The following MN1 variants were observed in gnomAD, a reference collection of about 807,000 sequenced individuals.
MN1 encodes the protein transcriptional activator MN1.
MN1 carries 19 observed loss-of-function variants against 86.9 expected under a neutral mutation model. The ratio of observed to expected loss-of-function variants is 0.22; its 90% CI spans 0.15 to 0.32. The LOEUF (loss-of-function observed/expected upper bound fraction) is 0.32, where lower values mean the gene tolerates loss of function less well. MN1 is among the 10% of genes least tolerant of loss of function. The pLI is 1.00. For missense variants in MN1, 1,841 were observed against 1,862.0 expected, an observed-to-expected ratio of 0.99 and a Z score of 0.21; for synonymous variants, 928 against 849.6, an observed-to-expected ratio of 1.09 and a Z score of -1.60.
chr22:27,749,160 G>A lies in MN1; in HGVS notation c.*1755C>T, dbSNP rs5752632. Reference sequence around the variant, plus strand: ...GACTCAGACCCCAGCCAAAAGGACCGGCAGAAGGAAAGAGGGGAGAAGGGA... The same window carrying A: ...GACTCAGACCCCAGCCAAAAGGACCAGCAGAAGGAAAGAGGGGAGAAGGGA... On this transcript the variant is annotated 3_prime_UTR_variant, in exon 2 of 2. Transcript: ENST00000302326. The A allele has an allele frequency of 8.6e-3, 2,001 of 231,718 alleles. 39 individuals are homozygous for A. The highest frequency in any genetic ancestry group is 0.058 in the East Asian group (953 of 16,376). 14.4% of individuals were successfully genotyped at this position (231,718 alleles called of 1,614,324 possible). A position where few individuals can be genotyped will look rare whatever the true frequency, so the allele number is the denominator to read the frequency against.
intron 1 of MN1, among the ~76,000 whole-genome samples, chr22:27,791,013 G>A (rs902186971): frequency 6.6e-6 from 1 of 152,056 alleles, no homozygotes; most frequent in Non-Finnish European, 1.5e-5. Context: ...TTCCCCGCTC[G>A]CCTTCAGAAA....
rs563396290 is a variant in MN1, at chr22:27,799,671, C to T, written c.873G>A (p.Gln291=). The change falls in exon 1 of 2, where the codon CAG becomes CAA. Residue 291 remains glutamine (Q), a synonymous_variant. Coordinates refer to ENST00000302326, the MANE Select transcript of MN1 (RefSeq NM_002430.3). ...GMVGLSKMHA[Q]PPQQQPQQQQ... is the part of the protein sequence containing the mutation. The stretch of plus-strand genomic sequence containing the variant: ...GCTGCTGGGGCTGCTGCTGCGGTGG[C>T]TGGGCGTGCATTTTGGACAAGCCCA... The T allele has an allele frequency of 3.2e-6, 5 of 1,551,250 alleles. No homozygotes were observed. The African/African-American group carries it at 6.8e-5, about 21-fold the overall frequency.
intron 1 of MN1, among the ~76,000 whole-genome samples, chr22:27,788,680 TGTGTGTGTGTGCACGC>T (rs138500534): frequency 0.011 from 1,661 of 151,198 alleles, 35 homozygotes; most frequent in African/African-American, 0.038. Flanking sequence ...AGAAGTTATG[TGTGTGTGTGTGCACGC>T]GTGTGTGTGT....
intron 1 of MN1, among the ~76,000 whole-genome samples, chr22:27,765,979 C>A (rs1932866647): frequency 6.6e-6 from 1 of 152,178 alleles, no homozygotes; most frequent in Non-Finnish European, 1.5e-5. Flanking sequence ...ACCCTAGGGT[C>A]CCGGCAGATC....
At chr22:27,784,053 A>G (rs1933089045) in intron 1 of MN1, among the ~76,000 whole-genome samples, 2 of 152,238 alleles carry the variant, frequency 1.3e-5, no homozygotes, top group African/African-American at 4.8e-5. Flanking sequence ...GCCTTGGCAG[A>G]GAGCCGGCCC....
At chr22:27,785,706 T>C (rs1340481639) in intron 1 of MN1, among the ~76,000 whole-genome samples, 1 of 151,666 alleles carries the variant, frequency 6.6e-6, no homozygotes, top group Non-Finnish European at 1.5e-5. Flanking sequence ...ACCAGGAGTC[T>C]AGAAATGTCA....
In MN1 at chr22:27,799,646, GCTGCT is replaced by G; in HGVS notation, c.893_897del (p.Gln298ProfsTer16). On this transcript the variant is annotated frameshift_variant, in exon 1 of 2. Transcript: ENST00000302326. LOFTEE classifies it high-confidence loss of function. The stretch of plus-strand genomic sequence containing the variant: ...TGCTGCTGCTGCTGGGGCTGCTGCT[GCTGCT>G]GGGGCTGCTGCTGCGGTGGCTGGGC... 1.3e-6 allele frequency: 2 copies of G among 1,549,376 alleles called. No individual in the cohort carries two copies. Among genetic ancestry groups the G allele is most frequent in the African/African-American group, 2.7e-5 (2 of 73,074 alleles).
In MN1 at chr22:27,796,962, A is replaced by G; in HGVS notation, c.3582T>C (p.Asn1194=). The G allele has an allele frequency of 6.2e-7, 1 of 1,612,452 alleles. No individual in the cohort carries two copies. Among genetic ancestry groups the G allele is most frequent in the East Asian group, 2.2e-5 (1 of 44,848 alleles). The change falls in exon 1 of 2, where the codon AAT becomes AAC. Residue 1194 remains asparagine, a synonymous_variant. Coordinates refer to ENST00000302326, the MANE Select transcript of MN1 (RefSeq NM_002430.3). ...AGCAGCTGCCCAGCTCGCTGTCGCCATTCTGCGCCCCTGAGGCCCCGACGG... is the reference window on the plus strand; with the variant it reads ...AGCAGCTGCCCAGCTCGCTGTCGCCGTTCTGCGCCCCTGAGGCCCCGACGG... ...ECAVGASGAQ[N]GDSELGSCCS...
intron 1 of MN1, among the ~76,000 whole-genome samples, chr22:27,759,879 T>A (rs1425741396): frequency 6.6e-6 from 1 of 152,198 alleles, no homozygotes; most frequent in African/African-American, 2.4e-5. Context: ...TGGGTAGATA[T>A]ACAACCCTCC....
chr22:27,750,491 A>C lies in MN1; in HGVS notation c.*424T>G. The C allele has an allele frequency of 4.3e-6, 1 of 232,714 alleles. No homozygotes were observed. Among genetic ancestry groups the C allele is most frequent in the Non-Finnish European group, 8.5e-6 (1 of 117,790 alleles). 14.4% of individuals were successfully genotyped at this position (232,714 alleles called of 1,614,324 possible). A position where few individuals can be genotyped will look rare whatever the true frequency, so the allele number is the denominator to read the frequency against. On this transcript the variant is annotated 3_prime_UTR_variant, in exon 2 of 2. Coordinates refer to ENST00000302326, the MANE Select transcript of MN1 (RefSeq NM_002430.3). ...AGGGGGTAAGAAAAGGAAAAAGAAT[A>C]AAAAAGAAAGCAACTCTTGTCTTAT...
intron 1 of MN1, among the ~76,000 whole-genome samples, chr22:27,771,842 C>A (rs960459366): frequency 2.0e-5 from 3 of 152,126 alleles, no homozygotes; most frequent in Admixed American, 6.5e-5. Context: ...AACTGAGGCT[C>A]GGAGAAAGGA....
At chr22:27,776,302 G>A (rs1016983102) in intron 1 of MN1, among the ~76,000 whole-genome samples, 5 of 152,150 alleles carry the variant, frequency 3.3e-5, no homozygotes, top group Admixed American at 1.3e-4. Context: ...TCGAGGACGC[G>A]CTGTAGTTAA....
At chr22:27,784,240 C>T (rs1933091301) in intron 1 of MN1, among the ~76,000 whole-genome samples, 1 of 152,188 alleles carries the variant, frequency 6.6e-6, no homozygotes, top group Non-Finnish European at 1.5e-5. Context: ...AACTGAGCCT[C>T]CTCCCAGGCC....
rs561524088 is a variant in MN1 at position 27,760,874 on chromosome 22, C to T, written c.3782-9778G>A. The stretch of plus-strand genomic sequence containing the variant: ...GTCTCTATGCGAGTCGGCTCCAGGG[C>T]GTGACCGTGAACATGACCTGCAGGC... On this transcript the variant is annotated intron_variant, in intron 1 of 1. Coordinates refer to ENST00000302326, the MANE Select transcript of MN1 (RefSeq NM_002430.3). Among the ~76,000 whole-genome samples the T allele has an allele frequency of 9.2e-5, 14 of 152,346 alleles. No homozygotes were observed. The South Asian group carries it at 2.3e-3, about 25-fold the overall frequency.
chr22:27,759,304 C>T (rs1245395615), intron 1 of MN1, among the ~76,000 whole-genome samples: 8 of 152,090 alleles, frequency 5.3e-5, no homozygotes, highest in Admixed American at 2.0e-4. Context: ...CCCTGGGCCA[C>T]GTCCCCTTCT....
In MN1 at chr22:27,800,348, C is replaced by T. The variant is rs752009579; in HGVS notation, c.196G>A (p.Glu66Lys). Residue 66 changes from glutamate (E) to lysine (K), a missense_variant, in exon 1 of 2, where the codon GAG becomes AAG. By Grantham distance (56) the Glu-to-Lys change is moderately conservative. Coordinates refer to ENST00000302326, the MANE Select transcript of MN1 (RefSeq NM_002430.3). ...CCGCGCGCGTGGAAGCCGTAGGGCT[C>T]CATGTTCATGCCCAAGATCGGGGGT... The part of the protein sequence containing the change: ...GEPPILGMNM[E>K]PYGFHARGHS... 1 of 1,604,162 alleles carries T rather than the reference C, an allele frequency of 6.2e-7. No homozygotes were observed. The highest frequency in any genetic ancestry group is 2.2e-5 in the East Asian group (1 of 44,764).
intron 1 of MN1, among the ~76,000 whole-genome samples, chr22:27,768,509 C>T (rs1932887550): frequency 6.6e-6 from 1 of 152,194 alleles, no homozygotes; most frequent in Admixed American, 6.5e-5. Context: ...AAGGACCCAC[C>T]CAGACTTTAT....
In MN1 at chr22:27,800,427, G is replaced by A; in HGVS notation, c.117C>T (p.Phe39=). The change falls in exon 1 of 2, where the codon TTC becomes TTT. Residue 39 remains phenylalanine (F), a synonymous_variant. Coordinates refer to ENST00000302326, the MANE Select transcript of MN1 (RefSeq NM_002430.3). ...SMNTHFKAPA[F]HTGGPPGPVD... is the part of the protein sequence containing the mutation. ...CAGGGCCAGGGGGCCCCCCAGTGTG[G>A]AAAGCCGGGGCCTTAAAGTGGGTGT... 1.2e-6 allele frequency: 2 copies of A among 1,614,222 alleles called. No individual in the cohort carries two copies. The highest frequency in any genetic ancestry group is 1.7e-6 in the Non-Finnish European group (2 of 1,180,038).
At position 27,796,791 on chromosome 22, in the gene MN1, G is replaced by T; in HGVS notation, c.3753C>A (p.Ala1251=). The T allele has an allele frequency of 6.2e-7, 1 of 1,605,652 alleles. No homozygotes were observed. Among genetic ancestry groups the T allele is most frequent in the Non-Finnish European group, 8.5e-7 (1 of 1,178,650 alleles). ...CTTTGCTGTTGGGGTTCTGGGGTTT[G>T]GCCTTCTCCCAGGGCGCCAACGTCT... is the stretch of plus-strand genomic sequence containing the variant. ...DDKTLAPWEK[A]KPQNPNSKEA... Residue 1251 remains alanine, a synonymous_variant, in exon 1 of 2, where the codon GCC becomes GCA. Transcript: ENST00000302326.
Sources: gnomAD v4.1 joint callset for allele counts (sites outside exome capture counted in the v4.1 genomes callset) on GRCh38, gnomAD v4.1.1 for gene constraint, MANE v1.5 for transcripts, NCBI Gene and HGNC (gene_info 2026-07-23, HGNC 2026-07-21) for gene names.